The following TLE2 variants were observed in gnomAD, a reference collection of about 807,000 sequenced individuals.
The protein encoded by TLE2 is transducin-like enhancer protein 2.
In TLE2, 74 loss-of-function variants were observed where a neutral mutation model predicts 97.2. That is an observed-to-expected ratio of 0.76 (90% CI 0.63 to 0.92). The LOEUF (loss-of-function observed/expected upper bound fraction) is 0.92. TLE2 is among the 40% of genes least tolerant of loss of function. TLE2 has a pLI of 0.00. For missense variants in TLE2, 1,038 were observed against 1,008.7 expected (o/e 1.03, Z -0.39); for synonymous variants, 499 against 432.1 (o/e 1.15, Z -1.92).
At chr19:3,009,772 G>T in intron 12 of TLE2, 70 bp from the exon 13 acceptor site, 3 of 1,524,276 alleles carry the variant, frequency 2.0e-6, no homozygotes, top group Non-Finnish European at 1.8e-6. Flanking sequence ...TGCCTTGGGA[G>T]CTCCCTGGCC....
chr19:3,006,205 C>A, intron 15 of TLE2: 1 of 992,952 alleles, frequency 1.0e-6, no homozygotes, highest in Non-Finnish European at 1.6e-6. Flanking sequence ...AAACCCTGTC[C>A]TGATTGTCTT....
At chr19:3,014,061 G>A (rs553740639) in intron 10 of TLE2, among the ~76,000 whole-genome samples, 2 of 151,800 alleles carry the variant, frequency 1.3e-5, no homozygotes, top group South Asian at 2.1e-4. Context: ...CGCCTCCTGG[G>A]TTCAAGCGAG....
chr19:3,015,773 A>G lies in TLE2; in HGVS notation c.571-13T>C. 1 of 1,588,954 alleles carries G rather than the reference A, an allele frequency of 6.3e-7. No homozygotes were observed. Among genetic ancestry groups the G allele is most frequent in the South Asian group, 1.1e-5 (1 of 87,978 alleles). On this transcript the variant is annotated splice_polypyrimidine_tract_variant and intron_variant, in intron 8 of 19. Transcript: ENST00000262953. ...AGGGAGATGCACTCTGCGGAGAGAC[A>G]AAGGCCGGGGGGAGAAAGGGTCAGG...
rs767820717 is a variant in TLE2, at chr19:3,019,675, G to A, written c.369+24C>T. 92 of 1,598,156 alleles carry A rather than the reference G, an allele frequency of 5.8e-5. No homozygotes were observed. The highest frequency in any genetic ancestry group is 7.2e-5 in the Non-Finnish European group (85 of 1,172,556). On this transcript the variant is annotated intron_variant, in intron 6 of 19. Coordinates refer to ENST00000262953, the MANE Select transcript of TLE2 (RefSeq NM_003260.5). The surrounding 1 kb of genome is among the most constrained non-coding windows in gnomAD (Gnocchi z 5.1). ...CTGGGAGTGGGCGTCTCCCCATGGCGGGGCAGGGGCTAGAGAGACTCACCC... is the reference window on the plus strand; with the variant it reads ...CTGGGAGTGGGCGTCTCCCCATGGCAGGGCAGGGGCTAGAGAGACTCACCC...
intron 14 of TLE2, among the ~76,000 whole-genome samples, chr19:3,007,042 C>T (rs1254778599): frequency 5.9e-5 from 9 of 151,920 alleles, no homozygotes; most frequent in Non-Finnish European, 1.2e-4. Context: ...GCCTCGGCCT[C>T]CCGAAGTGCT....
intron 11 of TLE2, among the ~76,000 whole-genome samples, chr19:3,012,556 G>A (rs932073206): frequency 2.0e-5 from 3 of 152,266 alleles, no homozygotes; most frequent in East Asian, 3.9e-4. Context: ...TAGAAACTCC[G>A]GGATGGGCTC....
chr19:3,008,987 C>T, intron 13 of TLE2, 42 bp from the exon 14 acceptor site: 2 of 1,496,846 alleles, frequency 1.3e-6, no homozygotes, highest in Non-Finnish European at 1.8e-6. Flanking sequence ...CAGGTGACTC[C>T]AACCCACCTC....
At chr19:3,008,758 G>C (rs2089528008) in intron 14 of TLE2, 111 bp downstream of exon 14, 1 of 857,256 alleles carries the variant, frequency 1.2e-6, no homozygotes, top group Non-Finnish European at 1.7e-6. Context: ...GCCCACACAA[G>C]AGACTTTCTA....
At chr19:3,024,633 G>A (rs2089908594) in intron 5 of TLE2, among the ~76,000 whole-genome samples, 1 of 152,110 alleles carries the variant, frequency 6.6e-6, no homozygotes, top group African/African-American at 2.4e-5. Context: ...CCAGCACCCT[G>A]GGTGTATGAG....
intron 11 of TLE2, among the ~76,000 whole-genome samples, chr19:3,011,806 C>G (rs1007981925): frequency 6.6e-6 from 1 of 151,980 alleles, no homozygotes. Flanking sequence ...GCCGAGATCA[C>G]GCCATTGCAC....
At chr19:3,032,830 T>C (rs1488344862), upstream of TLE2, among the ~76,000 whole-genome samples, 1 of 152,136 alleles carries the variant, frequency 6.6e-6, no homozygotes, top group Non-Finnish European at 1.5e-5. This position sits in a 1 kb window ranked among gnomAD's most constrained non-coding sequence, Gnocchi z 4.1. Context: ...GGCAGGTGTT[T>C]CACTGCTCCT....
rs781485124 is a variant in TLE2 at position 3,013,696 on chromosome 19, C to T, written c.846G>A (p.Pro282=). ...PASLASSLGS[P]LPRAKELILN... ...GGATGAGCTCCTTGGCTCTAGGCAG[C>T]GGTGAGCCAAGGCTAGAGGCCAAGG... The change falls in exon 11 of 20, where the codon CCG becomes CCA. Residue 282 remains proline, a synonymous_variant. Coordinates refer to ENST00000262953, the MANE Select transcript of TLE2 (RefSeq NM_003260.5). 2.2e-5 allele frequency: 32 copies of T among 1,479,256 alleles called. No individual in the cohort carries two copies. Among genetic ancestry groups the T allele is most frequent in the South Asian group, 2.1e-4 (14 of 68,250 alleles). 91.6% of individuals were successfully genotyped at this position (1,479,256 alleles called of 1,614,324 possible).
chr19:3,000,284 C>G (rs1052778741), intron 19 of TLE2, among the ~76,000 whole-genome samples: 1 of 151,542 alleles, frequency 6.6e-6, no homozygotes, highest in Non-Finnish European at 1.5e-5. Context: ...ACCATATTAG[C>G]CAGGGTGGTC....
At chr19:2,998,567 C>A (rs946199139) in intron 19 of TLE2, among the ~76,000 whole-genome samples, 1 of 152,058 alleles carries the variant, frequency 6.6e-6, no homozygotes, top group African/African-American at 2.4e-5. Flanking sequence ...CATGAGCCAC[C>A]GCACCCGGCC....
intron 1 of TLE2, among the ~76,000 whole-genome samples, chr19:3,034,436 T>C (rs780348613): frequency 6.6e-6 from 1 of 151,572 alleles, no homozygotes; most frequent in Non-Finnish European, 1.5e-5. Flanking sequence ...CAGCTTCACC[T>C]TCCTCCACCA....
intron 4 of TLE2, among the ~76,000 whole-genome samples, chr19:3,026,733 G>C (rs1157087670): frequency 1.4e-5 from 2 of 147,928 alleles, no homozygotes; most frequent in Non-Finnish European, 3.0e-5. Context: ...ACAAGTTCAG[G>C]AACACCTCAG....
chr19:2,998,168 T>C (rs1294427087), intron 19 of TLE2, among the ~76,000 whole-genome samples: 1 of 151,634 alleles, frequency 6.6e-6, no homozygotes, highest in Non-Finnish European at 1.5e-5. Flanking sequence ...CCTCCCGGGT[T>C]CAAGACACTC....
chr19:3,040,475 G>A (rs1184404826), intron 1 of TLE2, among the ~76,000 whole-genome samples: 2 of 151,828 alleles, frequency 1.3e-5, no homozygotes, highest in East Asian at 3.9e-4. Flanking sequence ...CGAGTAGCTG[G>A]GACTACAGGT....
Position 3,006,451 on chromosome 19 carries a change from GC to G in TLE2, c.1468del (p.Ala490ProfsTer11). 6.2e-7 allele frequency: 1 copy of G among 1,610,654 alleles called. No individual in the cohort carries two copies. Among genetic ancestry groups the G allele is most frequent in the South Asian group, 1.1e-5 (1 of 90,858 alleles). On this transcript the variant is annotated frameshift_variant, in exon 15 of 20. Transcript: ENST00000262953. LOFTEE classifies it high-confidence loss of function. Reference protein sequence around the residue: ...VKVWDVGQPGAKTPVAQLDCL... With the variant: ...VKVWDVGQPGXKTPVAQLDCL... ...GTCGAGCTGGGCCACGGGCGTCTTGGCCCCAGGCTGGCCCACGTCCCACACC... is the reference window on the plus strand; with the variant it reads ...GTCGAGCTGGGCCACGGGCGTCTTGGCCCAGGCTGGCCCACGTCCCACACC...
Sources: allele counts gnomAD v4.1 joint callset (sites outside exome capture counted in the v4.1 genomes callset), GRCh38; gene constraint gnomAD v4.1.1; non-coding constraint Gnocchi (gnomAD v3.1); transcripts MANE v1.5; gene names NCBI Gene and HGNC (gene_info 2026-07-23, HGNC 2026-07-21).